Variants in HEATR9 observed in about 807,000 individuals in gnomAD.
HEATR9 encodes the protein protein HEATR9.
In HEATR9, 54 loss-of-function variants were observed where a neutral mutation model predicts 68.2. The ratio of observed to expected loss-of-function variants is 0.79; its 90% CI spans 0.64 to 0.99. The LOEUF (loss-of-function observed/expected upper bound fraction) is 0.99. HEATR9 is among the 50% of genes least tolerant of loss of function. The probability of loss-of-function intolerance (pLI) is 0.00; values close to 1 mark genes in which losing one functional copy is unlikely to be tolerated. For missense variants in HEATR9, 662 were observed against 679.7 expected (o/e 0.97, Z 0.29); for synonymous variants, 241 against 253.5 (o/e 0.95, Z 0.47).
intron 2 of HEATR9, 47 bp from the exon 3 acceptor site, chr17:35,865,443 T>C: frequency 6.6e-7 from 1 of 1,518,250 alleles, no homozygotes; most frequent in Non-Finnish European, 9.0e-7. Flanking sequence ...CCCTAGGCCC[T>C]TACTTGTGAG....
intron 8 of HEATR9, among the ~76,000 whole-genome samples, chr17:35,862,345 T>C (rs979768637): frequency 2.6e-5 from 4 of 152,160 alleles, no homozygotes; most frequent in African/African-American, 9.7e-5. Context: ...AATAAATGGA[T>C]GAATGATGGA....
Position 35,863,063 on chromosome 17 carries a change from G to T in HEATR9, c.688C>A (p.Gln230Lys). Reference sequence around the variant, plus strand: ...AGCCCCGTCAAAGTCTCCATCCTTTGACCCTCATTTTTCTCCTTCAGCTGT... The same window carrying T: ...AGCCCCGTCAAAGTCTCCATCCTTTTACCCTCATTTTTCTCCTTCAGCTGT... ...IKQLKEKNEG[Q>K]RMETLTGLRM... Residue 230 changes from glutamine (Q) to lysine (K), a missense_variant, in exon 8 of 15, where the codon CAA (glutamine) becomes AAA (lysine). Transcript: ENST00000604834. The T allele has an allele frequency of 1.9e-6, 3 of 1,614,134 alleles. No homozygotes were observed. The highest frequency in any genetic ancestry group is 2.5e-6 in the Non-Finnish European group (3 of 1,180,036).
chr17:35,866,617 G>T, intron 2 of HEATR9, 107 bp downstream of exon 2: 1 of 1,049,344 alleles, frequency 9.5e-7, no homozygotes, highest in Non-Finnish European at 1.5e-6. Context: ...GGCAGCCCCA[G>T]GGGTAAATGT....
chr17:35,854,957 G>C lies in HEATR9; in HGVS notation c.*106C>G, dbSNP rs1334531044. On this transcript the variant is annotated 3_prime_UTR_variant, in exon 15 of 15. Transcript: ENST00000604834. ...GTGATTCAGAGAAATGTGGTAGGTA[G>C]AGTGACACTTGTTTATTCACGGAAG... is the stretch of plus-strand genomic sequence containing the variant. 2.2e-6 allele frequency: 2 copies of C among 892,852 alleles called. No individual in the cohort carries two copies. The highest frequency in any genetic ancestry group is 3.4e-6 in the Non-Finnish European group (2 of 581,792). The allele number at this position is 892,852 out of a possible 1,614,324, so 55.3% of individuals were successfully genotyped here.
chr17:35,856,103 C>T, intron 13 of HEATR9, 70 bp downstream of exon 13: 3 of 1,496,694 alleles, frequency 2.0e-6, no homozygotes, highest in Non-Finnish European at 2.8e-6. Flanking sequence ...CCCTCAGTGA[C>T]TCTGCTCAAT....
rs777660364 is a variant in HEATR9 at position 35,865,266 on chromosome 17, C to A, written c.269G>T (p.Arg90Leu). The A allele has an allele frequency of 6.2e-7, 1 of 1,614,122 alleles. No homozygotes were observed. The highest frequency in any genetic ancestry group is 8.5e-7 in the Non-Finnish European group (1 of 1,180,004). Residue 90 changes from arginine to leucine, a missense_variant, in exon 3 of 15, where the codon CGA becomes CTA. Arg to Leu is a moderately radical substitution (Grantham distance 102). Transcript: ENST00000604834. ...CATCTTCTCAGCCTCCCTTTCCTCT[C>A]GCTGATCATACAGGTCGTGCCAGTG... ...YTHWHDLYDQ[R>L]EEREAEKMLR...
intron 1 of HEATR9, among the ~76,000 whole-genome samples, chr17:35,868,310 A>T (rs2088280638): frequency 6.6e-6 from 1 of 152,228 alleles, no homozygotes; most frequent in African/African-American, 2.4e-5. Context: ...TTCAATACAA[A>T]CAGGAACTAG....
intron 7 of HEATR9, 140 bp from the exon 8 acceptor site, chr17:35,863,265 C>A: frequency 8.4e-7 from 1 of 1,191,408 alleles, no homozygotes; most frequent in Non-Finnish European, 1.2e-6. Context: ...TCCCAGGATA[C>A]CAGGGCAGCT....
At chr17:35,858,039 T>C (rs1024811186) in intron 11 of HEATR9, among the ~76,000 whole-genome samples, 161 bp downstream of exon 11, 2 of 152,202 alleles carry the variant, frequency 1.3e-5, no homozygotes, top group Admixed American at 6.5e-5. Flanking sequence ...GTGAACTGCC[T>C]GAGCAAAGGC....
chr17:35,862,398 C>T (rs2088026776), intron 8 of HEATR9, among the ~76,000 whole-genome samples: 1 of 152,122 alleles, frequency 6.6e-6, no homozygotes, highest in Admixed American at 6.6e-5. Context: ...AGTAAGAGAA[C>T]ACTAAAGGAG....
Position 35,855,080 on chromosome 17 carries a change from C to T in HEATR9, c.1696G>A (p.Ala566Thr). The change falls in exon 15 of 15, where the codon GCT becomes ACT. Residue 566 changes from alanine (A) to threonine (T), a missense_variant. Physicochemically the swap from Ala to Thr is moderately conservative, Grantham distance 58. Transcript: ENST00000604834. ...PRIKKQLRVLAEIAK is the reference protein window; with the variant it reads ...PRIKKQLRVLTEIAK ...GAATTGACTTATTTGGCAATTTCAGCAAGGACCCGGAGCTGTTTCTTGATC... is the reference window on the plus strand; with the variant it reads ...GAATTGACTTATTTGGCAATTTCAGTAAGGACCCGGAGCTGTTTCTTGATC... 1 of 1,611,320 alleles carries T rather than the reference C, an allele frequency of 6.2e-7. No homozygotes were observed. Among genetic ancestry groups the T allele is most frequent in the Non-Finnish European group, 8.5e-7 (1 of 1,178,940 alleles).
chr17:35,866,016 G>T (rs1471200039), intron 2 of HEATR9, among the ~76,000 whole-genome samples: 2 of 152,174 alleles, frequency 1.3e-5, no homozygotes, highest in Non-Finnish European at 2.9e-5. Context: ...GATTTTGAGT[G>T]GATCAGGGGC....
intron 6 of HEATR9, 133 bp downstream of exon 6, chr17:35,864,113 A>G (rs1688919852): frequency 5.7e-6 from 4 of 696,780 alleles, no homozygotes; most frequent in Non-Finnish European, 1.0e-5. Context: ...GTCATGCTGC[A>G]CAGTGGTGGC....
Position 35,855,003 on chromosome 17 carries a change from C to T in HEATR9, c.*60G>A. 1 of 1,383,354 alleles carries T rather than the reference C, an allele frequency of 7.2e-7. No homozygotes were observed. 85.7% of individuals were successfully genotyped at this position (1,383,354 alleles called of 1,614,324 possible). A position where few individuals can be genotyped will look rare whatever the true frequency, so the allele number is the denominator to read the frequency against. ...GGAAGATAAGTATAGATTGTTTTCT[C>T]ATGGGAGCCTGAGAAGCATCTTCAG... is the stretch of plus-strand genomic sequence containing the variant. On this transcript the variant is annotated 3_prime_UTR_variant, in exon 15 of 15. Transcript: ENST00000604834.
chr17:35,855,402 TTC>T lies in HEATR9; in HGVS notation c.1372_1373del (p.Glu458AsnfsTer9). ...NHQAVKKSLQ[E>X]TLILCASIDP... ...CAATTGAGGCACAAAGGATTAATGT[TTC>T]TTGTAGCTGCATTGAAACAAAGGTC... On this transcript the variant is annotated frameshift_variant, in exon 15 of 15. Coordinates refer to ENST00000604834, the MANE Select transcript of HEATR9 (RefSeq NM_152781.4). LOFTEE classifies it low-confidence loss of function (END_TRUNC). 1 of 1,612,094 alleles carries T rather than the reference TTC, an allele frequency of 6.2e-7. No individual in the cohort carries two copies. Among genetic ancestry groups the T allele is most frequent in the South Asian group, 1.1e-5 (1 of 90,976 alleles).
intron 8 of HEATR9, among the ~76,000 whole-genome samples, chr17:35,861,875 T>G (rs1406297897): frequency 6.6e-6 from 1 of 151,776 alleles, no homozygotes; most frequent in African/African-American, 2.4e-5. Context: ...TTTTTTTTTT[T>G]GAAATGGAGT....
chr17:35,863,367 A>T lies in HEATR9; in HGVS notation c.625+135T>A, dbSNP rs1377102315. ...CCCCACCTTCCTCTCTTGGTTCAAC[A>T]TAACTGGGATAGTTCTCAGGCCTTG... On this transcript the variant is annotated intron_variant, in intron 7 of 14. Coordinates refer to ENST00000604834, the MANE Select transcript of HEATR9 (RefSeq NM_152781.4). 2.9e-6 allele frequency: 3 copies of T among 1,044,672 alleles called. No individual in the cohort carries two copies. In the African/African-American group the frequency reaches 4.7e-5, roughly 16 times the overall value. 64.7% of individuals were successfully genotyped at this position (1,044,672 alleles called of 1,614,324 possible).
At chr17:35,860,724 C>T (rs139353976) in intron 8 of HEATR9, among the ~76,000 whole-genome samples, 4 of 151,604 alleles carry the variant, frequency 2.6e-5, no homozygotes, top group African/African-American at 9.7e-5. Flanking sequence ...CTCCTGACCT[C>T]GTGATCCACT....
At chr17:35,863,984 A>G (rs1274760159) in intron 6 of HEATR9, 4 of 560,858 alleles carry the variant, frequency 7.1e-6, no homozygotes, top group Non-Finnish European at 1.3e-5. Context: ...TCTGGCTTTC[A>G]GACTTTCCTG....
Sources: gnomAD v4.1 joint callset for allele counts (sites outside exome capture counted in the v4.1 genomes callset) on GRCh38, gnomAD v4.1.1 for gene constraint, MANE v1.5 for transcripts, NCBI Gene and HGNC (gene_info 2026-07-23, HGNC 2026-07-21) for gene names.